Variants in USP34 observed in about 807,000 individuals in gnomAD.
The protein encoded by USP34 is ubiquitin carboxyl-terminal hydrolase 34.
Under a neutral mutation model 460.3 loss-of-function variants are expected in USP34, and 70 were observed. The ratio of observed to expected loss-of-function variants is 0.15; its 90% confidence interval spans 0.13 to 0.19. The LOEUF (loss-of-function observed/expected upper bound fraction) is 0.19, where lower values mean the gene tolerates loss of function less well. USP34 is among the 10% of genes least tolerant of loss of function. The pLI, the probability that USP34 is intolerant of heterozygous loss-of-function variation, is 1.00. For missense variants in USP34, 3,985 were observed against 4,236.2 expected (o/e 0.94, Z 1.65); for synonymous variants, 1,647 against 1,405.3 (o/e 1.17, Z -3.85).
chr2:61,331,602 G>C (rs1038886000), intron 19 of USP34, among the ~76,000 whole-genome samples: 5 of 151,924 alleles, frequency 3.3e-5, no homozygotes, highest in African/African-American at 4.8e-5. Context: ...AAATGCCTGT[G>C]AAAGTACTAT....
At chr2:61,407,462 T>C (rs1416946338) in intron 2 of USP34, among the ~76,000 whole-genome samples, 2 of 152,208 alleles carry the variant, frequency 1.3e-5, no homozygotes, top group African/African-American at 4.8e-5. Context: ...TAAGCAACTA[T>C]AATTTATAAT....
At chr2:61,470,261 T>C (rs1695909424) in intron 1 of USP34, among the ~76,000 whole-genome samples, 1 of 152,080 alleles carries the variant, frequency 6.6e-6, no homozygotes, top group African/African-American at 2.4e-5. Flanking sequence ...GGCCGGAGGA[T>C]TTGGACTGCG....
At chr2:61,331,715 C>T (rs1415608873) in intron 19 of USP34, among the ~76,000 whole-genome samples, 3 of 151,874 alleles carry the variant, frequency 2.0e-5, no homozygotes, top group Admixed American at 1.3e-4. Context: ...ATCTGGCATA[C>T]AGAAGGCATA....
chr2:61,195,844 G>C (rs1308256251), intron 75 of USP34, among the ~76,000 whole-genome samples: 1 of 151,954 alleles, frequency 6.6e-6, no homozygotes, highest in Non-Finnish European at 1.5e-5. Context: ...CAAGCAGACT[G>C]TATACTACAA....
At chr2:61,268,423 T>G in intron 41 of USP34, among the ~76,000 whole-genome samples, 1 of 116,788 alleles carries the variant, frequency 8.6e-6, no homozygotes, top group South Asian at 2.7e-4. Context: ...TTTGAGTTCA[T>G]GCAAGAGCTG....
intron 5 of USP34, among the ~76,000 whole-genome samples, chr2:61,390,529 T>C (rs772484806): frequency 3.3e-5 from 5 of 152,226 alleles, no homozygotes; most frequent in Non-Finnish European, 7.3e-5. Context: ...GCAGCTGTTA[T>C]TAAAGAACGG....
At chr2:61,454,880 T>C (rs1695390414) in intron 1 of USP34, among the ~76,000 whole-genome samples, 1 of 148,844 alleles carries the variant, frequency 6.7e-6, no homozygotes, top group Non-Finnish European at 1.5e-5. Flanking sequence ...CTTTTTTTTT[T>C]TTTTTGGTTG....
At chr2:61,360,030 G>A (rs566368771) in intron 10 of USP34, among the ~76,000 whole-genome samples, 36 of 151,810 alleles carry the variant, frequency 2.4e-4, no homozygotes, top group Admixed American at 4.6e-4. Context: ...CGATCCACCC[G>A]CCTCAGCTTC....
chr2:61,316,318 C>A (rs1291415638), intron 23 of USP34, among the ~76,000 whole-genome samples: 1 of 152,172 alleles, frequency 6.6e-6, no homozygotes, highest in African/African-American at 2.4e-5. Context: ...GCCGTGGTGG[C>A]TCGTACCTAT....
chr2:61,419,067 A>G (rs372609220), intron 2 of USP34, among the ~76,000 whole-genome samples: 65 of 152,350 alleles, frequency 4.3e-4, no homozygotes, highest in Middle Eastern at 3.4e-3. Flanking sequence ...TAGCTTTATT[A>G]TTATTCTATT....
At chr2:61,461,761 A>G (rs1028044981) in intron 1 of USP34, among the ~76,000 whole-genome samples, 2 of 152,244 alleles carry the variant, frequency 1.3e-5, no homozygotes, top group Non-Finnish European at 2.9e-5. Flanking sequence ...GCAAGCAAAC[A>G]GTATGAAAAT....
chr2:61,399,859 C>G (rs914207767), intron 3 of USP34, among the ~76,000 whole-genome samples: 1 of 107,608 alleles, frequency 9.3e-6, no homozygotes, highest in Non-Finnish European at 1.8e-5. Context: ...GGCAACAGTG[C>G]GAGACACTGT....
chr2:61,253,366 TTA>T (rs1491580358), intron 48 of USP34, among the ~76,000 whole-genome samples: 2 of 152,192 alleles, frequency 1.3e-5, no homozygotes, highest in African/African-American at 4.8e-5. Context: ...GACTCATTTA[TTA>T]TATTCCTCTA....
At chr2:61,188,808 T>G in intron 79 of USP34, 99 bp from the exon 80 acceptor site, 4 of 1,568,812 alleles carry the variant, frequency 2.5e-6, no homozygotes, top group Non-Finnish European at 3.4e-6. Context: ...GCATTTATAT[T>G]TAGGAGGTTC....
chr2:61,445,332 A>G (rs1036251081), intron 1 of USP34, among the ~76,000 whole-genome samples: 3 of 151,380 alleles, frequency 2.0e-5, no homozygotes, highest in African/African-American at 7.3e-5. Flanking sequence ...TCAGGAGATC[A>G]AGACCATCCT....
At chr2:61,402,255 G>C (rs1487370794) in intron 3 of USP34, among the ~76,000 whole-genome samples, 1 of 152,070 alleles carries the variant, frequency 6.6e-6, no homozygotes, top group African/African-American at 2.4e-5. Flanking sequence ...ACTCCAGCCT[G>C]GGAGACAGAG....
chr2:61,448,061 A>G (rs944410968), intron 1 of USP34, among the ~76,000 whole-genome samples: 1 of 152,224 alleles, frequency 6.6e-6, no homozygotes, highest in African/African-American at 2.4e-5. Flanking sequence ...TTAAATAACA[A>G]ATGTTTGGGA....
chr2:61,343,865 T>A lies in USP34; in HGVS notation c.2450A>T (p.Gln817Leu). The A allele has an allele frequency of 1.2e-6, 2 of 1,614,004 alleles. No homozygotes were observed. Among genetic ancestry groups the A allele is most frequent in the Non-Finnish European group, 1.7e-6 (2 of 1,179,924 alleles). ...NSHAELTSHL[Q>L]QHLPNLASIY... ...GGAAGCTAAATTGGGAAGATGTTGTTGGAGGTGAGATGTCAGTTCCGCATG... is the reference window on the plus strand; with the variant it reads ...GGAAGCTAAATTGGGAAGATGTTGTAGGAGGTGAGATGTCAGTTCCGCATG... Residue 817 changes from glutamine to leucine, a missense_variant, in exon 16 of 80, where the codon CAA becomes CTA. This residue lies in a region of USP34 where 716 missense variants were observed against 626.2 expected (regional missense o/e 1.14). Coordinates refer to ENST00000398571, the MANE Select transcript of USP34 (RefSeq NM_014709.4).
chr2:61,470,995 C>T lies in USP34; in HGVS notation c.-303G>A, dbSNP rs185316458. 0.065 allele frequency among the ~76,000 whole-genome samples: 1,465 copies of T among 22,514 alleles called. 27 individuals are homozygous for T. The highest frequency in any genetic ancestry group is 0.19 in the African/African-American group (1,338 of 7,050). The allele number at this position is 22,514 out of a possible 152,430, so 14.8% of individuals were successfully genotyped here. ...GGGGAGGGGAGAGGGGGGGAGGGGG[C>T]GGGTGGGGAGAGAAGCAGCAGAGTC... On this transcript the variant is annotated 5_prime_UTR_variant, in exon 1 of 80. Coordinates refer to ENST00000398571, the MANE Select transcript of USP34 (RefSeq NM_014709.4).
Sources: allele counts gnomAD v4.1 joint callset (sites outside exome capture counted in the v4.1 genomes callset), GRCh38; gene constraint gnomAD v4.1.1; regional missense constraint gnomAD v4.1.1; transcripts MANE v1.5; gene names NCBI Gene and HGNC (gene_info 2026-07-23, HGNC 2026-07-21).